Variants in ANKRD33B observed in about 807,000 individuals in gnomAD.
The protein encoded by ANKRD33B is ankyrin repeat domain 33B.
A neutral mutation model predicts 21.5 loss-of-function variants in ANKRD33B; 6 were observed. The ratio of observed to expected loss-of-function variants is 0.28; its 90% CI spans 0.15 to 0.55. ANKRD33B has a LOEUF of 0.55. Ranked by LOEUF, ANKRD33B falls within the 20% of genes least tolerant of loss-of-function variation. The pLI is 0.94. For missense variants in ANKRD33B, 698 were observed against 747.2 expected, an observed-to-expected ratio of 0.93 and a Z score of 0.77; for synonymous variants, 347 against 342.4, an observed-to-expected ratio of 1.01 and a Z score of -0.15.
At chr5:10,578,585 G>T (rs1735373327) in intron 1 of ANKRD33B, among the ~76,000 whole-genome samples, 1 of 152,200 alleles carries the variant, frequency 6.6e-6, no homozygotes, top group African/African-American at 2.4e-5. Flanking sequence ...GAGGGCCCAT[G>T]GGGTGGAGGG....
At chr5:10,645,333 G>A (rs1455876379) in intron 3 of ANKRD33B, among the ~76,000 whole-genome samples, 2 of 152,178 alleles carry the variant, frequency 1.3e-5, no homozygotes, top group Non-Finnish European at 2.9e-5. Context: ...GGCTGGTGGA[G>A]AAGCAGGAAA....
rs1560993781 is a variant in ANKRD33B, at chr5:10,655,681, G to A, written c.*5568G>A. 1 of 152,322 alleles carries A rather than the reference G, an allele frequency of 6.6e-6. No individual in the cohort carries two copies. The highest frequency in any genetic ancestry group is 6.5e-5 in the Admixed American group (1 of 15,274). 9.4% of individuals were successfully genotyped at this position (152,322 alleles called of 1,614,324 possible). A position where few individuals can be genotyped will look rare whatever the true frequency, so the allele number is the denominator to read the frequency against. ...ACTAGTCTTTCACATGATAAAGCGC[G>A]AGCACTTTTTCGCTTTTGCAGTATT... On this transcript the variant is annotated 3_prime_UTR_variant, in exon 4 of 4. Coordinates refer to ENST00000296657, the MANE Select transcript of ANKRD33B (RefSeq NM_001164440.2).
chr5:10,621,232 C>T (rs1012125970), intron 2 of ANKRD33B, among the ~76,000 whole-genome samples: 1 of 152,168 alleles, frequency 6.6e-6, no homozygotes, highest in African/African-American at 2.4e-5. Context: ...CTGTCTGTAA[C>T]CAGCTGTATC....
Position 10,564,427 on chromosome 5 carries a change from T to TGCCCGCGCCCCGGCCCCCG in ANKRD33B, c.-25_-7dup, listed in dbSNP as rs1050147903. ...CGCGCGCCCCGCGTCCCGCTCTTCC[T>TGCCCGCGCCCCGGCCCCCG]GCCCGCGCCCCGGCCCCCGGCCCGC... is the stretch of plus-strand genomic sequence containing the variant. On this transcript the variant is annotated 5_prime_UTR_variant, in exon 1 of 4. Transcript: ENST00000296657. 1 of 1,038,510 alleles carries TGCCCGCGCCCCGGCCCCCG rather than the reference T, an allele frequency of 9.6e-7. No homozygotes were observed. The highest frequency in any genetic ancestry group is 1.7e-5 in the African/African-American group (1 of 58,182). The allele number at this position is 1,038,510 out of a possible 1,614,324, so 64.3% of individuals were successfully genotyped here.
intron 1 of ANKRD33B, among the ~76,000 whole-genome samples, chr5:10,575,199 C>CGAGGTGGGT (rs1387444609): frequency 8.7e-5 from 13 of 149,118 alleles, no homozygotes; most frequent in South Asian, 2.2e-4. Flanking sequence ...CCGAGGTGGG[C>CGAGGTGGGT]GGATCATGAG....
intron 3 of ANKRD33B, among the ~76,000 whole-genome samples, chr5:10,640,899 G>A (rs1284617362): frequency 1.3e-5 from 2 of 152,238 alleles, no homozygotes; most frequent in Non-Finnish European, 2.9e-5. Flanking sequence ...TCATGGCAGA[G>A]GGGACACCGA....
intron 1 of ANKRD33B, among the ~76,000 whole-genome samples, chr5:10,599,621 A>G (rs1373224108): frequency 6.6e-6 from 1 of 152,220 alleles, no homozygotes; most frequent in Admixed American, 6.5e-5. Context: ...ATCACTTAGC[A>G]TGATATGCTC....
Position 10,610,401 on chromosome 5 carries a change from G to GCCCC in ANKRD33B, c.367-7925_367-7922dup, listed in dbSNP as rs200203509. ...CAGGGATTGCATAGTACAGGGGACAGCCCCCCCCCCGAATAAAGAATTATC... is the reference window on the plus strand; with the variant it reads ...CAGGGATTGCATAGTACAGGGGACAGCCCCCCCCCCCCCCGAATAAAGAATTATC... On this transcript the variant is annotated intron_variant, in intron 1 of 3. Coordinates refer to ENST00000296657, the MANE Select transcript of ANKRD33B (RefSeq NM_001164440.2). Among the ~76,000 whole-genome samples, 194 of 146,404 alleles carry GCCCC rather than the reference G, an allele frequency of 1.3e-3. 1 individual carries two copies. The highest frequency in any genetic ancestry group is 4.5e-3 in the African/African-American group (175 of 38,874).
At position 10,619,470 on chromosome 5, in the gene ANKRD33B, C is replaced by G; in HGVS notation, c.496+1008C>G. 1.2e-6 allele frequency: 1 copy of G among 804,280 alleles called. No individual in the cohort carries two copies. Among genetic ancestry groups the G allele is most frequent in the Non-Finnish European group, 1.5e-6 (1 of 664,644 alleles). The allele number at this position is 804,280 out of a possible 1,614,324, so 49.8% of individuals were successfully genotyped here. A position where few individuals can be genotyped will look rare whatever the true frequency, so the allele number is the denominator to read the frequency against. On this transcript the variant is annotated intron_variant, in intron 2 of 3. Transcript: ENST00000296657. The surrounding 1 kb of genome is among the most constrained non-coding windows in gnomAD (Gnocchi z 4.5). ...GCTTCACAAGCTCCTGGACCAAAGC[C>G]ACCCTGGGTGGATCTGATGGGTGGG...
At chr5:10,606,510 C>T (rs1204387882) in intron 1 of ANKRD33B, among the ~76,000 whole-genome samples, 4 of 152,058 alleles carry the variant, frequency 2.6e-5, no homozygotes, top group East Asian at 3.9e-4. Flanking sequence ...CCAAGGTGGG[C>T]GGATCACAAG....
At position 10,610,438 on chromosome 5, in the gene ANKRD33B, G is replaced by A. The variant is rs1023760035; in HGVS notation, c.367-7895G>A. ...AATAAAGAATTATCTGGCCCCACATGTCAATAGTGCCCTGGTCGAAAAACT... is the reference window on the plus strand; with the variant it reads ...AATAAAGAATTATCTGGCCCCACATATCAATAGTGCCCTGGTCGAAAAACT... On this transcript the variant is annotated intron_variant, in intron 1 of 3. Transcript: ENST00000296657. Among the ~76,000 whole-genome samples, 4 of 150,266 alleles carry A rather than the reference G, an allele frequency of 2.7e-5. No individual in the cohort carries two copies. The East Asian group carries it at 7.8e-4, about 29-fold the overall frequency.
chr5:10,627,144 A>C (rs1479509228), intron 2 of ANKRD33B: 1 of 152,260 alleles, frequency 6.6e-6, no homozygotes, highest in African/African-American at 2.4e-5. Context: ...AGAACGTTTG[A>C]AAATAAATCC....
At chr5:10,635,364 T>C (rs55751482) in intron 2 of ANKRD33B, among the ~76,000 whole-genome samples, 3,198 of 152,192 alleles carry the variant, frequency 0.021, 120 homozygotes, top group African/African-American at 0.073. Flanking sequence ...TACCACCCAG[T>C]TGAGAGTAAT....
chr5:10,614,580 T>A (rs1560974556), intron 1 of ANKRD33B, among the ~76,000 whole-genome samples: 1 of 152,144 alleles, frequency 6.6e-6, no homozygotes, highest in Non-Finnish European at 1.5e-5. Flanking sequence ...CTCATTTAAT[T>A]TGTTAATATA....
At chr5:10,632,466 G>A (rs556147995) in intron 2 of ANKRD33B, among the ~76,000 whole-genome samples, 105 of 152,278 alleles carry the variant, frequency 6.9e-4, no homozygotes, top group Admixed American at 3.8e-3. Flanking sequence ...CATGCAGAGC[G>A]GAACCAGGGG....
intron 1 of ANKRD33B, among the ~76,000 whole-genome samples, chr5:10,591,482 A>C (rs946972147): frequency 2.0e-5 from 3 of 151,940 alleles, no homozygotes; most frequent in Non-Finnish European, 4.4e-5. Context: ...GAGCCTTTTT[A>C]GTGTTTTTAT....
rs1737298946 is a variant in ANKRD33B at position 10,649,938 on chromosome 5, A to G, written c.1310A>G (p.Gln437Arg). ...AGCAAGGCGCCCGCGCCCACCTTCC[A>G]GCCCGAGCGGCCGGCGCGGAAGGGC... Reference protein sequence around the residue: ...RVSKAPAPTFQPERPARKGST... With the variant: ...RVSKAPAPTFRPERPARKGST... The change falls in exon 4 of 4, where the codon CAG becomes CGG. Residue 437 changes from glutamine to arginine, a missense_variant. By Grantham distance (43) the Gln-to-Arg change is conservative. This residue lies in a region of ANKRD33B where 543 missense variants were observed against 566.5 expected (regional missense o/e 0.96). Coordinates refer to ENST00000296657, the MANE Select transcript of ANKRD33B (RefSeq NM_001164440.2). 3 of 1,528,158 alleles carry G rather than the reference A, an allele frequency of 2.0e-6. No individual in the cohort carries two copies. Among genetic ancestry groups the G allele is most frequent in the Non-Finnish European group, 2.6e-6 (3 of 1,143,076 alleles). The allele number at this position is 1,528,158 out of a possible 1,614,324, so 94.7% of individuals were successfully genotyped here. A position where few individuals can be genotyped will look rare whatever the true frequency, so the allele number is the denominator to read the frequency against.
At chr5:10,606,728 G>C (rs1345080380) in intron 1 of ANKRD33B, among the ~76,000 whole-genome samples, 1 of 148,730 alleles carries the variant, frequency 6.7e-6, no homozygotes, top group Non-Finnish European at 1.5e-5. Flanking sequence ...GCAAGACTCT[G>C]TCTTTTTTTT....
chr5:10,629,598 A>T (rs1300718442), intron 2 of ANKRD33B, among the ~76,000 whole-genome samples: 2 of 152,190 alleles, frequency 1.3e-5, no homozygotes, highest in Non-Finnish European at 2.9e-5. Context: ...CAGGTAAAAA[A>T]CTGAAGAAAA....
Sources: allele counts gnomAD v4.1 joint callset (sites outside exome capture counted in the v4.1 genomes callset), GRCh38; gene constraint gnomAD v4.1.1; regional missense constraint gnomAD v4.1.1; non-coding constraint Gnocchi (gnomAD v3.1); transcripts MANE v1.5; gene names NCBI Gene and HGNC (gene_info 2026-07-23, HGNC 2026-07-21).